Variants in CAMK2D observed in about 807,000 individuals in gnomAD.
The protein encoded by CAMK2D is calcium/calmodulin dependent protein kinase II delta.
Under a neutral mutation model 84.0 loss-of-function variants are expected in CAMK2D, and 37 were observed. The observed-to-expected ratio is 0.44, with a 90% CI of 0.34 to 0.58. CAMK2D has a LOEUF of 0.58. CAMK2D is among the 20% of genes least tolerant of loss of function. The pLI is 0.02. For synonymous variants in CAMK2D, 202 were observed against 212.5 expected (o/e 0.95, Z 0.43); for missense variants, 448 against 652.5 (o/e 0.69, Z 3.41).
At chr4:113,679,442 T>C (rs1204680482) in intron 2 of CAMK2D, 8 of 979,594 alleles carry the variant, frequency 8.2e-6, no homozygotes, top group Non-Finnish European at 8.5e-6. Context: ...AATTCTTCCC[T>C]AGATGTCCAT....
intron 4 of CAMK2D, among the ~76,000 whole-genome samples, chr4:113,566,266 A>G (rs1416050810): frequency 6.6e-6 from 1 of 152,184 alleles, no homozygotes; most frequent in South Asian, 2.1e-4. Flanking sequence ...TGAATGTTCA[A>G]TTCTTTGTAC....
intron 1 of CAMK2D, among the ~76,000 whole-genome samples, chr4:113,760,174 T>A (rs529259447): frequency 6.6e-6 from 1 of 152,238 alleles, no homozygotes; most frequent in Non-Finnish European, 1.5e-5. Context: ...GGCCCCTAGG[T>A]CCCTTTGCAT....
intron 4 of CAMK2D, among the ~76,000 whole-genome samples, chr4:113,579,067 T>G (rs967686968): frequency 6.6e-6 from 1 of 152,234 alleles, no homozygotes; most frequent in African/African-American, 2.4e-5. Flanking sequence ...CTGAGTTATA[T>G]GTACCAATCA....
At chr4:113,661,442 C>T (rs921522391) in intron 3 of CAMK2D, among the ~76,000 whole-genome samples, 1 of 152,054 alleles carries the variant, frequency 6.6e-6, no homozygotes, top group Non-Finnish European at 1.5e-5. Context: ...ACACAACTTT[C>T]AGCACAACAG....
chr4:113,615,200 G>A (rs1175804123), intron 3 of CAMK2D, among the ~76,000 whole-genome samples: 4 of 152,038 alleles, frequency 2.6e-5, no homozygotes, highest in Non-Finnish European at 5.9e-5. Context: ...GCCAAGTTAG[G>A]CCATCTAACA....
intron 4 of CAMK2D, among the ~76,000 whole-genome samples, chr4:113,555,529 A>G (rs1591166876): frequency 1.3e-5 from 2 of 152,208 alleles, no homozygotes; most frequent in African/African-American, 4.8e-5. Context: ...ACAGAGGTTC[A>G]TTAAGCAGTT....
At chr4:113,532,055 A>G (rs575064313) in intron 7 of CAMK2D, among the ~76,000 whole-genome samples, 1 of 152,310 alleles carries the variant, frequency 6.6e-6, no homozygotes, top group East Asian at 1.9e-4. Context: ...TTTTAAAAGT[A>G]TATATAATGG....
intron 2 of CAMK2D, among the ~76,000 whole-genome samples, chr4:113,666,479 A>C (rs2099257711): frequency 6.6e-6 from 1 of 152,072 alleles, no homozygotes. Context: ...AGGTACCTGC[A>C]CCACCTACCA....
intron 2 of CAMK2D, among the ~76,000 whole-genome samples, chr4:113,680,489 G>A (rs750897777): frequency 1.3e-5 from 2 of 152,176 alleles, no homozygotes; most frequent in South Asian, 4.1e-4. Flanking sequence ...CCTTGGAGGG[G>A]CATCTGAATG....
intron 3 of CAMK2D, among the ~76,000 whole-genome samples, chr4:113,660,870 A>G (rs1470453845): frequency 1.4e-5 from 2 of 143,934 alleles, no homozygotes; most frequent in African/African-American, 2.6e-5. Context: ...ATCTCAGCTC[A>G]CTGCAAGCTC....
At chr4:113,677,598 T>C in intron 2 of CAMK2D, 1 of 938,840 alleles carries the variant, frequency 1.1e-6, no homozygotes, top group Non-Finnish European at 1.3e-6. Context: ...AGTCAAGCGA[T>C]GCAATACCAT....
At chr4:113,726,255 C>T (rs2099545419) in intron 2 of CAMK2D, among the ~76,000 whole-genome samples, 1 of 151,840 alleles carries the variant, frequency 6.6e-6, no homozygotes, top group Non-Finnish European at 1.5e-5. Flanking sequence ...GTCCCAAAAG[C>T]TTTTACTCTC....
At chr4:113,656,392 A>T (rs1019534720) in intron 3 of CAMK2D, among the ~76,000 whole-genome samples, 1 of 152,160 alleles carries the variant, frequency 6.6e-6, no homozygotes, top group African/African-American at 2.4e-5. Flanking sequence ...TTCTTATCCA[A>T]GAAGATGTAG....
intron 2 of CAMK2D, among the ~76,000 whole-genome samples, chr4:113,667,398 G>C (rs530161591): frequency 6.6e-6 from 1 of 152,262 alleles, no homozygotes; most frequent in East Asian, 1.9e-4. Context: ...TCATAAATAA[G>C]CTGGAAGTGA....
At chr4:113,743,094 C>G (rs895595985) in intron 2 of CAMK2D, among the ~76,000 whole-genome samples, 2 of 152,076 alleles carry the variant, frequency 1.3e-5, no homozygotes, top group East Asian at 3.9e-4. Flanking sequence ...TCATTCTGGC[C>G]GTTATTCCTA....
intron 4 of CAMK2D, among the ~76,000 whole-genome samples, chr4:113,601,390 T>C (rs1050669557): frequency 2.0e-5 from 3 of 152,128 alleles, no homozygotes; most frequent in Non-Finnish European, 4.4e-5. Flanking sequence ...TTATTAATTT[T>C]TCAATAAAAG....
chr4:113,753,865 G>A (rs192000376), intron 2 of CAMK2D: 370 of 984,484 alleles, frequency 3.8e-4, no homozygotes, highest in Non-Finnish European at 4.2e-4. Context: ...AATACTATAT[G>A]AAAGGCTTTC....
At chr4:113,583,144 C>T (rs1386562539) in intron 4 of CAMK2D, among the ~76,000 whole-genome samples, 2 of 151,398 alleles carry the variant, frequency 1.3e-5, no homozygotes, top group East Asian at 3.9e-4. Flanking sequence ...CCTCAGTCTC[C>T]ACCCAGTTTG....
At chr4:113,658,238 A>G (rs2099211030) in intron 3 of CAMK2D, among the ~76,000 whole-genome samples, 1 of 152,172 alleles carries the variant, frequency 6.6e-6, no homozygotes, top group Non-Finnish European at 1.5e-5. Flanking sequence ...CTTTACATGA[A>G]TAAACACAAC....
Sources: allele counts gnomAD v4.1 joint callset (sites outside exome capture counted in the v4.1 genomes callset), GRCh38; gene constraint gnomAD v4.1.1; transcripts MANE v1.5; gene names NCBI Gene and HGNC (gene_info 2026-07-23, HGNC 2026-07-21).